ATXN1: variants seen among roughly 807,000 people sequenced by gnomAD.
ATXN1 encodes the protein ataxin 1.
ATXN1 carries 8 observed loss-of-function variants against 56.4 expected under a neutral mutation model. The observed-to-expected ratio is 0.14, with a 90% CI of 0.08 to 0.26. The LOEUF is 0.26. Ranked by LOEUF, ATXN1 falls within the 10% of genes least tolerant of loss-of-function variation. The pLI, the probability that ATXN1 is intolerant of heterozygous loss-of-function variation, is 1.00. For missense variants in ATXN1, 987 were observed against 1,106.5 expected, an observed-to-expected ratio of 0.89 and a Z score of 1.53; for synonymous variants, 514 against 494.6, an observed-to-expected ratio of 1.04 and a Z score of -0.52.
chr6:16,446,691 T>C (rs1303106928), intron 6 of ATXN1, among the ~76,000 whole-genome samples: 3 of 152,244 alleles, frequency 2.0e-5, no homozygotes, highest in African/African-American at 7.2e-5. Context: ...AACTTTACAG[T>C]GACCTAAAAT....
chr6:16,638,824 A>G (rs1373305507), intron 3 of ATXN1, among the ~76,000 whole-genome samples: 1 of 152,194 alleles, frequency 6.6e-6, no homozygotes, highest in East Asian at 1.9e-4. Context: ...TCAGGCAGCA[A>G]TGTCTAGCTT....
At chr6:16,499,304 C>T (rs1444120080) in intron 5 of ATXN1, among the ~76,000 whole-genome samples, 2 of 152,028 alleles carry the variant, frequency 1.3e-5, no homozygotes, top group Non-Finnish European at 2.9e-5. Context: ...TTAGTCTTTT[C>T]TCTTGAAAAA....
rs1230617281 is a variant in ATXN1, at chr6:16,760,068, C to T, written c.-730+1230G>A. 6.6e-6 allele frequency among the ~76,000 whole-genome samples: 1 copy of T among 152,128 alleles called. No individual in the cohort carries two copies. The highest frequency in any genetic ancestry group is 2.4e-5 in the African/African-American group (1 of 41,432). On this transcript the variant is annotated intron_variant, in intron 1 of 7. Transcript: ENST00000436367. This position sits in a 1 kb window ranked among gnomAD's most constrained non-coding sequence, Gnocchi z 5.3. Reference sequence around the variant, plus strand: ...CGACACCGCCTCACCTCTCGCTCCGCCCGTCCGGCCCCCTTCCCTGCCCCC... The same window carrying T: ...CGACACCGCCTCACCTCTCGCTCCGTCCGTCCGGCCCCCTTCCCTGCCCCC...
chr6:16,402,099 C>T (rs1204263338), intron 6 of ATXN1, among the ~76,000 whole-genome samples: 1 of 152,044 alleles, frequency 6.6e-6, no homozygotes, highest in South Asian at 2.1e-4. Context: ...AAAGACCTGC[C>T]CCCCATGATT....
At chr6:16,633,615 C>G (rs1339873061) in intron 3 of ATXN1, among the ~76,000 whole-genome samples, 1 of 152,142 alleles carries the variant, frequency 6.6e-6, no homozygotes, top group Admixed American at 6.5e-5. Flanking sequence ...AGGTTCCTGC[C>G]TTGCGAGAGT....
chr6:16,343,568 T>G (rs890223511), intron 6 of ATXN1, among the ~76,000 whole-genome samples: 2 of 152,070 alleles, frequency 1.3e-5, no homozygotes, highest in African/African-American at 2.4e-5. Flanking sequence ...GACTGTGAGC[T>G]GTAAAAAGTG....
intron 6 of ATXN1, among the ~76,000 whole-genome samples, chr6:16,358,913 A>G (rs179977): frequency 0.81 from 123,883 of 152,198 alleles, 51,229 homozygotes; most frequent in East Asian, 1. Flanking sequence ...GGCAGGAGCC[A>G]GGAACAAGCG....
intron 2 of ATXN1, among the ~76,000 whole-genome samples, chr6:16,671,437 A>C (rs1431700347): frequency 6.6e-6 from 1 of 152,122 alleles, no homozygotes; most frequent in African/African-American, 2.4e-5. Flanking sequence ...AGTGGGCCTC[A>C]GGAGCTAGGC....
At chr6:16,332,594 A>G (rs1761018206) in intron 6 of ATXN1, among the ~76,000 whole-genome samples, 1 of 152,182 alleles carries the variant, frequency 6.6e-6, no homozygotes, top group Admixed American at 6.5e-5. Context: ...CAATTATATC[A>G]ATGCCAAATT....
At chr6:16,332,590 T>C (rs1340385546) in intron 6 of ATXN1, among the ~76,000 whole-genome samples, 3 of 152,172 alleles carry the variant, frequency 2.0e-5, no homozygotes, top group Non-Finnish European at 4.4e-5. Context: ...TGCACAATTA[T>C]ATCAATGCCA....
intron 3 of ATXN1, among the ~76,000 whole-genome samples, chr6:16,597,999 T>C (rs1322482625): frequency 6.6e-6 from 1 of 152,210 alleles, no homozygotes; most frequent in Non-Finnish European, 1.5e-5. Context: ...ATTTTTAATG[T>C]TCTTACACAC....
At chr6:16,624,623 C>A (rs1014734704) in intron 3 of ATXN1, among the ~76,000 whole-genome samples, 2 of 152,044 alleles carry the variant, frequency 1.3e-5, no homozygotes, top group African/African-American at 4.8e-5. Flanking sequence ...AGCATTGCAC[C>A]ATTTTTTTAT....
intron 3 of ATXN1, among the ~76,000 whole-genome samples, chr6:16,608,128 G>T (rs1320860909): frequency 6.6e-6 from 1 of 152,220 alleles, no homozygotes; most frequent in Non-Finnish European, 1.5e-5. Context: ...GTCCAGATCT[G>T]TTCCACGCAA....
chr6:16,578,746 A>G (rs1271212911), intron 4 of ATXN1, among the ~76,000 whole-genome samples: 3 of 122,758 alleles, frequency 2.4e-5, no homozygotes, highest in African/African-American at 4.2e-5. Flanking sequence ...GAAAAAGAGA[A>G]AAAAAAAAAA....
At chr6:16,334,504 C>T (rs551128825) in intron 6 of ATXN1, among the ~76,000 whole-genome samples, 24 of 152,026 alleles carry the variant, frequency 1.6e-4, no homozygotes, top group African/African-American at 5.1e-4. Flanking sequence ...CTTTGGGAGC[C>T]CAGGAGCTCA....
chr6:16,534,826 C>G (rs994239824), intron 4 of ATXN1, among the ~76,000 whole-genome samples: 3 of 152,212 alleles, frequency 2.0e-5, no homozygotes, highest in African/African-American at 7.2e-5. Flanking sequence ...ATAAACCTTC[C>G]TAAGTCTGCT....
At chr6:16,480,639 T>G (rs886313202) in intron 6 of ATXN1, among the ~76,000 whole-genome samples, 12 of 152,086 alleles carry the variant, frequency 7.9e-5, no homozygotes, top group African/African-American at 2.7e-4. Context: ...TGTAATTGAG[T>G]GAACTCTAAA....
At chr6:16,711,310 G>A (rs1759517137) in intron 2 of ATXN1, among the ~76,000 whole-genome samples, 1 of 151,946 alleles carries the variant, frequency 6.6e-6, no homozygotes, top group South Asian at 2.1e-4. Flanking sequence ...AAATCTTCCA[G>A]GAGAAAACAG....
chr6:16,754,622 T>C (rs1414689611), intron 1 of ATXN1: 8 of 152,200 alleles, frequency 5.3e-5, no homozygotes, highest in Non-Finnish European at 7.3e-5. Flanking sequence ...TAATGAACAG[T>C]AGCCAAAATG....
Sources: allele counts gnomAD v4.1 joint callset (sites outside exome capture counted in the v4.1 genomes callset), GRCh38; gene constraint gnomAD v4.1.1; non-coding constraint Gnocchi (gnomAD v3.1); transcripts MANE v1.5; gene names NCBI Gene and HGNC (gene_info 2026-07-23, HGNC 2026-07-21).